The following KDELR3 variants were observed in gnomAD, a reference collection of about 807,000 sequenced individuals.
The protein encoded by KDELR3 is ER lumen protein-retaining receptor 3.
KDELR3 carries 26 observed loss-of-function variants against 22.7 expected under a neutral mutation model. The ratio of observed to expected loss-of-function variants is 1.15; its 90% CI spans 0.84 to 1.59. The LOEUF (loss-of-function observed/expected upper bound fraction) is 1.59, where lower values mean the gene tolerates loss of function less well. KDELR3 is among the 40% of genes most tolerant of loss of function. KDELR3 has a pLI of 0.00. For synonymous variants in KDELR3, 120 were observed against 98.2 expected (o/e 1.22, Z -1.31); for missense variants, 289 against 251.1 (o/e 1.15, Z -1.02).
At position 38,481,453 on chromosome 22, in the gene KDELR3, A is replaced by C; in HGVS notation, c.593A>C (p.Tyr198Ser). The C allele has an allele frequency of 6.2e-7, 1 of 1,614,182 alleles. No individual in the cohort carries two copies. The highest frequency in any genetic ancestry group is 8.5e-7 in the Non-Finnish European group (1 of 1,180,026). Residue 198 changes from tyrosine to serine, a missense_variant, in exon 4 of 5, where the codon TAT becomes TCT. Coordinates refer to ENST00000216014, the MANE Select transcript of KDELR3 (RefSeq NM_006855.4). ...TIFYCDFFYL[Y>S]VTKVLKGKKL... ...TTCTACTGTGACTTCTTCTACTTGT[A>C]TGTGACCAAAGGTAGGTCCTGGGAT... is the stretch of plus-strand genomic sequence containing the variant.
At chr22:38,468,545 G>GTA (rs2089502472) in intron 1 of KDELR3, among the ~76,000 whole-genome samples, 1 of 152,174 alleles carries the variant, frequency 6.6e-6, no homozygotes, top group Non-Finnish European at 1.5e-5. Flanking sequence ...GTTTGTTCCT[G>GTA]CACAGACGCC....
intron 3 of KDELR3, among the ~76,000 whole-genome samples, chr22:38,480,963 A>G (rs2089595216): frequency 2.0e-5 from 3 of 152,118 alleles, no homozygotes; most frequent in Admixed American, 2.0e-4. Flanking sequence ...AGTTTTCTAT[A>G]TAAATGCTCA....
intron 4 of KDELR3, among the ~76,000 whole-genome samples, chr22:38,481,983 C>T (rs1463202074): frequency 6.6e-6 from 1 of 152,178 alleles, no homozygotes; most frequent in Non-Finnish European, 1.5e-5. Context: ...TCGTGTTGGG[C>T]CACAAAGCCA....
At chr22:38,481,937 A>C (rs1298850061) in intron 4 of KDELR3, among the ~76,000 whole-genome samples, 1 of 152,296 alleles carries the variant, frequency 6.6e-6, no homozygotes, top group East Asian at 1.9e-4. Context: ...AAACAAACAA[A>C]AAGACACTTC....
intron 3 of KDELR3, among the ~76,000 whole-genome samples, chr22:38,480,932 A>T (rs116832554): frequency 0.012 from 1,731 of 145,778 alleles, 38 homozygotes; most frequent in African/African-American, 0.042. Flanking sequence ...ACCCTATCTT[A>T]AAAAAAAAAA....
chr22:38,474,045 C>A (rs1234961941), intron 1 of KDELR3, among the ~76,000 whole-genome samples: 2 of 152,122 alleles, frequency 1.3e-5, no homozygotes, highest in African/African-American at 4.8e-5. Flanking sequence ...TAGAATGCTC[C>A]CCTGGCCCTG....
chr22:38,468,672 C>T (rs2089503451), intron 1 of KDELR3, among the ~76,000 whole-genome samples: 3 of 152,112 alleles, frequency 2.0e-5, no homozygotes, highest in East Asian at 1.9e-4. Context: ...TGGGGAGAAG[C>T]AGATATGCAC....
intron 2 of KDELR3, 27 bp from the exon 3 acceptor site, chr22:38,479,566 G>A (rs1218872333): frequency 6.2e-6 from 10 of 1,600,194 alleles, no homozygotes; most frequent in South Asian, 1.1e-5. Context: ...TCATAGATTC[G>A]ATTCCCATGT....
intron 1 of KDELR3, among the ~76,000 whole-genome samples, chr22:38,471,647 G>C (rs935040457): frequency 1.3e-5 from 2 of 152,164 alleles, no homozygotes; most frequent in Admixed American, 6.6e-5. Flanking sequence ...GGACTTCAGG[G>C]GTGTTCCTTC....
intron 1 of KDELR3, 158 bp from the exon 2 acceptor site, chr22:38,474,365 T>C (rs2089544091): frequency 6.8e-6 from 4 of 585,764 alleles, no homozygotes; most frequent in Non-Finnish European, 1.2e-5. Context: ...AAGGGTGAGT[T>C]TCCTGGCCCT....
At chr22:38,473,447 G>C (rs1027808946) in intron 1 of KDELR3, among the ~76,000 whole-genome samples, 3 of 111,366 alleles carry the variant, frequency 2.7e-5, no homozygotes, top group African/African-American at 7.7e-5. Context: ...TCTCTAAAAA[G>C]AAAAAAATAA....
At chr22:38,482,363 C>T in intron 4 of KDELR3, 133 bp from the exon 5 acceptor site, 2 of 721,028 alleles carry the variant, frequency 2.8e-6, no homozygotes, top group Admixed American at 4.4e-5. Flanking sequence ...GAGATGGACT[C>T]CCCCTTTGCT....
chr22:38,471,457 G>A (rs1306719415), intron 1 of KDELR3, among the ~76,000 whole-genome samples: 1 of 152,160 alleles, frequency 6.6e-6, no homozygotes, highest in Non-Finnish European at 1.5e-5. Flanking sequence ...CCCCACTGTT[G>A]CCCTCACCCC....
rs1379951156 is a variant in KDELR3 at position 38,482,686 on chromosome 22, CAGA to C, written c.*154_*156del. On this transcript the variant is annotated 3_prime_UTR_variant, in exon 5 of 5. Coordinates refer to ENST00000216014, the MANE Select transcript of KDELR3 (RefSeq NM_006855.4). ...TTCAGCAAAACCTGATCATCCCACC[CAGA>C]AGACCTTCTCATCAATAGATCGCCC... The C allele has an allele frequency of 8.9e-6, 6 of 675,060 alleles. No homozygotes were observed. Among genetic ancestry groups the C allele is most frequent in the Middle Eastern group, 3.3e-4 (1 of 3,034 alleles). The allele number at this position is 675,060 out of a possible 1,614,324, so 41.8% of individuals were successfully genotyped here.
chr22:38,477,585 A>T (rs896424481), intron 2 of KDELR3, among the ~76,000 whole-genome samples: 3 of 152,182 alleles, frequency 2.0e-5, no homozygotes, highest in Non-Finnish European at 4.4e-5. Context: ...ATGAGATAAC[A>T]TACAGCACCT....
At chr22:38,473,771 G>C (rs2089539553) in intron 1 of KDELR3, among the ~76,000 whole-genome samples, 2 of 152,088 alleles carry the variant, frequency 1.3e-5, no homozygotes, top group Non-Finnish European at 2.9e-5. Context: ...TCAGAAGTTT[G>C]AGACCAGCCA....
At chr22:38,477,590 G>C (rs1449141903) in intron 2 of KDELR3, among the ~76,000 whole-genome samples, 1 of 152,166 alleles carries the variant, frequency 6.6e-6, no homozygotes, top group Non-Finnish European at 1.5e-5. Flanking sequence ...ATAACATACA[G>C]CACCTAGAAA....
chr22:38,481,478 T>A lies in KDELR3; in HGVS notation c.604+14T>A. 1 of 1,614,186 alleles carries A rather than the reference T, an allele frequency of 6.2e-7. No homozygotes were observed. The highest frequency in any genetic ancestry group is 8.5e-7 in the Non-Finnish European group (1 of 1,180,022). On this transcript the variant is annotated intron_variant, in intron 4 of 4. Coordinates refer to ENST00000216014, the MANE Select transcript of KDELR3 (RefSeq NM_006855.4). ...ATGTGACCAAAGGTAGGTCCTGGGA[T>A]GACAGCAATGCTGACACTGGCCTAA... is the stretch of plus-strand genomic sequence containing the variant.
At position 38,481,404 on chromosome 22, in the gene KDELR3, G is replaced by C. The variant is rs772721417; in HGVS notation, c.544G>C (p.Val182Leu). The C allele has an allele frequency of 6.2e-7, 1 of 1,614,166 alleles. No individual in the cohort carries two copies. The highest frequency in any genetic ancestry group is 8.5e-7 in the Non-Finnish European group (1 of 1,180,034). ...GAATTTCTATGACCAAATTGCAGTC[G>C]TGTCTGGAGTAGTACAAACCATCTT... Reference protein sequence around the residue: ...TENFYDQIAVVSGVVQTIFYC... With the variant: ...TENFYDQIAVLSGVVQTIFYC... Residue 182 changes from valine to leucine, a missense_variant, in exon 4 of 5, where the codon GTG (valine) becomes CTG (leucine). By Grantham distance (32) the Val-to-Leu change is conservative. Coordinates refer to ENST00000216014, the MANE Select transcript of KDELR3 (RefSeq NM_006855.4).
Sources: gnomAD v4.1 joint callset for allele counts (sites outside exome capture counted in the v4.1 genomes callset) on GRCh38, gnomAD v4.1.1 for gene constraint, MANE v1.5 for transcripts, NCBI Gene and HGNC (gene_info 2026-07-23, HGNC 2026-07-21) for gene names.